IFT122: variants seen among roughly 807,000 people sequenced by gnomAD.
The protein encoded by IFT122 is intraflagellar transport 122.
A neutral mutation model predicts 161.6 loss-of-function variants in IFT122; 118 were observed. That is an observed-to-expected ratio of 0.73 (90% CI 0.63 to 0.85). IFT122 has a LOEUF of 0.85. Ranked by LOEUF, IFT122 falls within the 40% of genes least tolerant of loss-of-function variation. The probability of loss-of-function intolerance (pLI) is 0.00; values close to 1 mark genes in which losing one functional copy is unlikely to be tolerated. For synonymous variants in IFT122, 550 were observed against 602.4 expected (o/e 0.91, Z 1.27); for missense variants, 1,381 against 1,579.6 (o/e 0.87, Z 2.13).
chr3:129,455,577 A>G (rs2075377673), intron 3 of IFT122, among the ~76,000 whole-genome samples: 1 of 152,064 alleles, frequency 6.6e-6, no homozygotes, highest in African/African-American at 2.4e-5. Context: ...AGAAATAGCT[A>G]ATTTTTTTTT....
At chr3:129,442,363 A>C (rs1322372319) in intron 1 of IFT122, among the ~76,000 whole-genome samples, 1 of 152,194 alleles carries the variant, frequency 6.6e-6, no homozygotes, top group African/African-American at 2.4e-5. Context: ...GGATAGTAAT[A>C]AAATACTAGA....
intron 23 of IFT122, among the ~76,000 whole-genome samples, chr3:129,510,930 G>C (rs1395983728): frequency 6.6e-6 from 1 of 152,228 alleles, no homozygotes; most frequent in Non-Finnish European, 1.5e-5. Context: ...TTAGAGGCCT[G>C]TGAAGAGACT....
At position 129,514,419 on chromosome 3, in the gene IFT122, C is replaced by G. The variant is rs1484807189; in HGVS notation, c.3018C>G (p.Ser1006Arg). Residue 1006 changes from serine to arginine, a missense_variant, in exon 25 of 30, where the codon AGC becomes AGG. This residue lies in a region of IFT122 where 496 missense variants were observed against 502.5 expected (regional missense o/e 0.99). Transcript: ENST00000348417. ...TACTCTTCACCTTGGCCAAGCAGAG[C>G]AAGGCCCTCGGTGCCTACAGGCTGG... ...VKILFTLAKQ[S>R]KALGAYRLAR... 6.2e-7 allele frequency: 1 copy of G among 1,614,084 alleles called. No individual in the cohort carries two copies. The highest frequency in any genetic ancestry group is 8.5e-7 in the Non-Finnish European group (1 of 1,180,034).
At chr3:129,501,902 C>T (rs553477072) in intron 19 of IFT122, among the ~76,000 whole-genome samples, 6 of 152,326 alleles carry the variant, frequency 3.9e-5, no homozygotes, top group East Asian at 3.9e-4. Context: ...GACAGGGATT[C>T]GTTACAGCTG....
chr3:129,516,545 C>CACAG (rs2108680345), intron 26 of IFT122, among the ~76,000 whole-genome samples: 2 of 122,640 alleles, frequency 1.6e-5, no homozygotes, highest in African/African-American at 3.0e-5. Context: ...TGCCCCTGCA[C>CACAG]ACACACAGAT....
intron 25 of IFT122, 74 bp downstream of exon 25, chr3:129,514,628 T>A: frequency 6.4e-7 from 1 of 1,564,198 alleles, no homozygotes; most frequent in Non-Finnish European, 8.8e-7. Context: ...TTGCCTGGCC[T>A]GGGTTCCGTT....
At chr3:129,495,854 G>A (rs185832591) in intron 18 of IFT122, among the ~76,000 whole-genome samples, 62 of 152,316 alleles carry the variant, frequency 4.1e-4, no homozygotes, top group Admixed American at 2.2e-3. Flanking sequence ...TCAGTGACAG[G>A]GCTGGATGGC....
In IFT122 at chr3:129,476,745, C is replaced by T. The variant is rs1281058313; in HGVS notation, c.1091C>T (p.Ala364Val). The T allele has an allele frequency of 6.2e-7, 1 of 1,614,160 alleles. No individual in the cohort carries two copies. The highest frequency in any genetic ancestry group is 8.5e-7 in the Non-Finnish European group (1 of 1,180,034). The change falls in exon 11 of 30, where the codon GCC (alanine) becomes GTC (valine). Residue 364 changes from alanine to valine, a missense_variant. Physicochemically the swap from Ala to Val is moderately conservative, Grantham distance 64. Coordinates refer to ENST00000348417, the MANE Select transcript of IFT122 (RefSeq NM_052989.3). ...CATGGGCTTTACAAGGACCGCTATG[C>T]CTACAGGGATAGCATGACTGACGTC... is the stretch of plus-strand genomic sequence containing the variant. ...TVHGLYKDRYAYRDSMTDVIV... is the reference protein window; with the variant it reads ...TVHGLYKDRYVYRDSMTDVIV...
At chr3:129,480,196 G>C (rs2078475143) in intron 13 of IFT122, among the ~76,000 whole-genome samples, 1 of 152,234 alleles carries the variant, frequency 6.6e-6, no homozygotes, top group Non-Finnish European at 1.5e-5. Context: ...AAGGTCTCCA[G>C]AAGGTGGGAG....
chr3:129,499,659 A>G (rs2081300914), intron 18 of IFT122, among the ~76,000 whole-genome samples: 1 of 152,184 alleles, frequency 6.6e-6, no homozygotes, highest in African/African-American at 2.4e-5. Flanking sequence ...GGAAGGAAGC[A>G]CTGGGGGCCA....
chr3:129,502,472 G>GAAAGT (rs2081679196), intron 19 of IFT122, among the ~76,000 whole-genome samples: 1 of 152,192 alleles, frequency 6.6e-6, no homozygotes, highest in Admixed American at 6.5e-5. Flanking sequence ...CTGCTGGATA[G>GAAAGT]CTCAGTGACT....
chr3:129,451,370 A>G (rs28438812), intron 2 of IFT122, among the ~76,000 whole-genome samples: 35,884 of 151,900 alleles, frequency 0.24, 6,517 homozygotes, highest in East Asian at 0.5. Context: ...CAATCCTCCC[A>G]CTTCAGCCTC....
intron 15 of IFT122, chr3:129,487,944 G>C: frequency 2.2e-6 from 1 of 448,274 alleles, no homozygotes; most frequent in South Asian, 2.1e-5. Context: ...TCCAGAGGCA[G>C]AGTGGGGAGG....
intron 5 of IFT122, chr3:129,463,299 T>A: frequency 4.6e-6 from 2 of 439,462 alleles, no homozygotes; most frequent in Non-Finnish European, 8.5e-6. Flanking sequence ...CCACTTAGTG[T>A]CATATCTACT....
intron 3 of IFT122, among the ~76,000 whole-genome samples, chr3:129,455,950 C>T (rs1577292872): frequency 6.6e-6 from 1 of 151,732 alleles, no homozygotes; most frequent in Admixed American, 6.6e-5. Flanking sequence ...GATGCTGTGC[C>T]AGGGAGACAG....
chr3:129,483,589 C>T lies in IFT122; in HGVS notation c.1758C>T (p.His586=). 6.2e-7 allele frequency: 1 copy of T among 1,614,100 alleles called. No individual in the cohort carries two copies. The highest frequency in any genetic ancestry group is 8.5e-7 in the Non-Finnish European group (1 of 1,180,018). Residue 586 remains histidine (H), a synonymous_variant, in exon 15 of 30, where the codon CAC becomes CAT. Transcript: ENST00000348417. ...LNIKASTFPV[H]RQKLQGFVVG... ...TCAAAGCCAGCACCTTCCCTGTGCA[C>T]CGGCAGAAGCTGCAGGGCTTTGTGG...
At chr3:129,461,150 A>G (rs2076174365) in intron 4 of IFT122, 78 bp from the exon 5 acceptor site, 8 of 1,208,476 alleles carry the variant, frequency 6.6e-6, no homozygotes, top group Non-Finnish European at 9.9e-6. Flanking sequence ...CTGTGGGCTC[A>G]TTATTAAAAT....
intron 24 of IFT122, 21 bp from the exon 25 acceptor site, chr3:129,514,368 C>A (rs914257965): frequency 1.9e-6 from 3 of 1,613,818 alleles, no homozygotes; most frequent in Middle Eastern, 1.7e-4. Flanking sequence ...CCCCTGCTGT[C>A]CTTAACCCTG....
At chr3:129,502,101 C>T (rs547989923) in intron 19 of IFT122, among the ~76,000 whole-genome samples, 2 of 152,312 alleles carry the variant, frequency 1.3e-5, no homozygotes, top group South Asian at 4.1e-4. Flanking sequence ...CCCTGCAGCT[C>T]CTCCCTCTTT....
Sources: gnomAD v4.1 joint callset for allele counts (sites outside exome capture counted in the v4.1 genomes callset) on GRCh38, gnomAD v4.1.1 for gene constraint, gnomAD v4.1.1 regional missense constraint, MANE v1.5 for transcripts, NCBI Gene and HGNC (gene_info 2026-07-23, HGNC 2026-07-21) for gene names.